NME9: variants seen among roughly 807,000 people sequenced by gnomAD.
The protein encoded by NME9 is NME/NM23 family member 9.
NME9 carries 48 observed loss-of-function variants against 44.4 expected under a neutral mutation model. That is an observed-to-expected ratio of 1.08 (90% CI 0.86 to 1.37). The LOEUF (loss-of-function observed/expected upper bound fraction) is 1.37, where lower values mean the gene tolerates loss of function less well. NME9 is among the 40% of genes most tolerant of loss of function. NME9 has a pLI of 0.00. For synonymous variants in NME9, 139 were observed against 147.1 expected (o/e 0.94, Z 0.40); for missense variants, 325 against 405.2 (o/e 0.80, Z 1.70).
chr3:138,272,201 A>G (rs1334091150), intron 8 of NME9, among the ~76,000 whole-genome samples: 2 of 152,200 alleles, frequency 1.3e-5, no homozygotes, highest in Non-Finnish European at 2.9e-5. Flanking sequence ...CACCTACCAT[A>G]GTATTGTGAA....
chr3:138,306,945 T>C (rs536146248), intron 6 of NME9, among the ~76,000 whole-genome samples: 1 of 152,300 alleles, frequency 6.6e-6, no homozygotes, highest in African/African-American at 2.4e-5. Context: ...TTCCCAGCAC[T>C]CTACCTGCTG....
intron 8 of NME9, among the ~76,000 whole-genome samples, chr3:138,282,390 G>A (rs2050017266): frequency 6.6e-6 from 1 of 152,210 alleles, no homozygotes; most frequent in Admixed American, 6.5e-5. Flanking sequence ...GCTCATGCCT[G>A]TAATCCCAGC....
At position 138,301,650 on chromosome 3, in the gene NME9, T is replaced by G. The variant is rs1325804306; in HGVS notation, c.983A>C (p.Asp328Ala). ...GPTEALCFPE[D>A]VD The stretch of plus-strand genomic sequence containing the variant: ...AGCAGCACAGCCATCTCAATCCACA[T>G]CCTCAGGAAAGCAAAGCGCCTCAGT... The change falls in exon 11 of 11, where the codon GAT (aspartate) becomes GCT (alanine). Residue 328 changes from aspartate to alanine, a missense_variant. Coordinates refer to ENST00000333911, the MANE Select transcript of NME9 (RefSeq NM_001349018.2). 1.3e-6 allele frequency: 2 copies of G among 1,536,074 alleles called. No individual in the cohort carries two copies. Among genetic ancestry groups the G allele is most frequent in the East Asian group, 4.9e-5 (2 of 40,912 alleles).
At chr3:138,295,774 C>A in intron 8 of NME9, 1 of 1,492,196 alleles carries the variant, frequency 6.7e-7, no homozygotes, top group African/African-American at 1.4e-5. Context: ...TTTTAGACTT[C>A]CCCAGCTATC....
Position 138,303,574 on chromosome 3 carries a change from A to C in NME9, c.861T>G (p.Ala287=), listed in dbSNP as rs762762641. 6.6e-5 allele frequency: 106 copies of C among 1,613,654 alleles called. No homozygotes were observed. The highest frequency in any genetic ancestry group is 8.8e-5 in the Non-Finnish European group (104 of 1,179,614). The change falls in exon 10 of 11, where the codon GCT becomes GCG. Residue 287 remains alanine, a synonymous_variant. Coordinates refer to ENST00000333911, the MANE Select transcript of NME9 (RefSeq NM_001349018.2). ...GGAAGAGCAATGCCAGTTCTCTGTC[A>C]GCATCTTCTCTGTCCCGGCTTCCAT... The part of the protein sequence containing the change: ...AVHGSRDRED[A]DRELALLFPS...
chr3:138,315,655 TACAAACAGC>T lies in NME9; in HGVS notation c.268-21_268-13del, dbSNP rs1412950428. On this transcript the variant is annotated splice_polypyrimidine_tract_variant and intron_variant, in intron 4 of 10. Transcript: ENST00000333911. ...ACCAGTTCTCCTCCCTAGAATACGT[TACAAACAGC>T]ATGAAATACTCTTGGCAAATATTAA... 4 of 1,509,336 alleles carry T rather than the reference TACAAACAGC, an allele frequency of 2.7e-6. No homozygotes were observed. The highest frequency in any genetic ancestry group is 1.4e-5 in the African/African-American group (1 of 72,522). 93.5% of individuals were successfully genotyped at this position (1,509,336 alleles called of 1,614,324 possible).
intron 6 of NME9, among the ~76,000 whole-genome samples, chr3:138,311,292 A>G (rs559859850): frequency 6.6e-6 from 1 of 152,204 alleles, no homozygotes. Context: ...TGATGGCTTC[A>G]ATTCTAAATT....
rs138728298 is a variant in NME9, at chr3:138,318,207, G to A, written c.208C>T (p.Arg70Cys). 1.8e-5 allele frequency: 29 copies of A among 1,611,394 alleles called. No individual in the cohort carries two copies. The highest frequency in any genetic ancestry group is 1.6e-4 in the African/African-American group (12 of 74,968). ...CTGTACTTTTCGAGGACATCAAGACGATCTGCCTCTGCCTAAAGAAAGCCA... is the reference window on the plus strand; with the variant it reads ...CTGTACTTTTCGAGGACATCAAGACAATCTGCCTCTGCCTAAAGAAAGCCA... The part of the protein sequence containing the change: ...LLHFALAEAD[R>C]LDVLEKYRGK... Residue 70 changes from arginine (R) to cysteine (C), a missense_variant, in exon 4 of 11, where the codon CGT (arginine) becomes TGT (cysteine). Transcript: ENST00000333911.
chr3:138,325,326 C>G (rs6796118), intron 1 of NME9, among the ~76,000 whole-genome samples: 17,851 of 151,998 alleles, frequency 0.12, 3,453 homozygotes, highest in African/African-American at 0.41. Flanking sequence ...CTTATCCACA[C>G]AGTTCTGGTT....
In NME9 at chr3:138,281,217, G is replaced by GGT. The variant is rs149949088; in HGVS notation, c.746-18633_746-18632dup. ...CTAATATGCGTACATTAATGGTGTGGGTGTGTGTGTGTGTGTGTAGTTTTT... is the reference window on the plus strand; with the variant it reads ...CTAATATGCGTACATTAATGGTGTGGGTGTGTGTGTGTGTGTGTGTAGTTTTT... On this transcript the variant is annotated intron_variant, in intron 8 of 8. Coordinates refer to the NME9 transcript ENST00000317876. Among the ~76,000 whole-genome samples the GGT allele has an allele frequency of 1.7e-3, 254 of 149,830 alleles. 2 individuals are homozygous for GGT. In the South Asian group the frequency reaches 0.022, roughly 13 times the overall value.
intron 8 of NME9, among the ~76,000 whole-genome samples, chr3:138,278,982 T>C (rs931321600): frequency 6.6e-6 from 1 of 152,178 alleles, no homozygotes; most frequent in Non-Finnish European, 1.5e-5. Context: ...TAAATAAAAA[T>C]AGCTTTATTT....
chr3:138,300,972 T>C (rs1449190095), downstream of NME9: 8 of 776,846 alleles, frequency 1.0e-5, no homozygotes, highest in Non-Finnish European at 1.2e-5. Flanking sequence ...TTCAAGCTCA[T>C]GGTTACCAAA....
chr3:138,327,514 C>T (rs2053870923), intron 1 of NME9, among the ~76,000 whole-genome samples: 1 of 152,104 alleles, frequency 6.6e-6, no homozygotes, highest in Non-Finnish European at 1.5e-5. Flanking sequence ...GGGAACTATC[C>T]GGACTTCACT....
At chr3:138,267,130 G>C in intron 8 of NME9, 1 of 1,215,782 alleles carries the variant, frequency 8.2e-7, no homozygotes, top group Non-Finnish European at 1.2e-6. Flanking sequence ...CAAATCATTA[G>C]TAGTATCCTT....
At chr3:138,286,511 A>C (rs764327600) in intron 8 of NME9, among the ~76,000 whole-genome samples, 1 of 151,868 alleles carries the variant, frequency 6.6e-6, no homozygotes, top group African/African-American at 2.4e-5. Context: ...ATACCTCCCT[A>C]CCTATCTCTG....
At chr3:138,293,008 A>G (rs2051119094) in intron 8 of NME9, among the ~76,000 whole-genome samples, 1 of 152,140 alleles carries the variant, frequency 6.6e-6, no homozygotes, top group African/African-American at 2.4e-5. Flanking sequence ...ATGTCCTCCA[A>G]AAAGCCTTGC....
intron 8 of NME9, chr3:138,264,055 G>A (rs1289663326): frequency 1.2e-5 from 17 of 1,383,000 alleles, no homozygotes; most frequent in South Asian, 3.6e-5. Flanking sequence ...ATTAGTCATT[G>A]TAAAATGCCA....
downstream of NME9, chr3:138,300,964 C>G (rs2051806350): frequency 1.4e-6 from 1 of 705,904 alleles, no homozygotes; most frequent in Non-Finnish European, 1.7e-6. Flanking sequence ...GCACTGTTTT[C>G]AAGCTCATGG....
At chr3:138,307,282 G>A (rs1314701553) in intron 6 of NME9, among the ~76,000 whole-genome samples, 14 of 152,226 alleles carry the variant, frequency 9.2e-5, no homozygotes, top group African/African-American at 3.4e-4. Flanking sequence ...CACAGGATCA[G>A]AGTCCACTGC....
Sources: allele counts gnomAD v4.1 joint callset (sites outside exome capture counted in the v4.1 genomes callset), GRCh38; gene constraint gnomAD v4.1.1; transcripts MANE v1.5; gene names NCBI Gene and HGNC (gene_info 2026-07-23, HGNC 2026-07-21).